The following XKR4 variants were observed in gnomAD, a reference collection of about 807,000 sequenced individuals.
XKR4 encodes XK related 4, also known as XK-related protein 4.
A neutral mutation model predicts 53.9 loss-of-function variants in XKR4; 12 were observed. The observed-to-expected ratio is 0.22, with a 90% CI of 0.14 to 0.36. The LOEUF (loss-of-function observed/expected upper bound fraction) is 0.36. Ranked by LOEUF, XKR4 falls within the 10% of genes least tolerant of loss-of-function variation. The pLI is 1.00. For missense variants in XKR4, 799 were observed against 859.5 expected (o/e 0.93, Z 0.88); for synonymous variants, 354 against 362.4 (o/e 0.98, Z 0.26).
Position 55,197,551 on chromosome 8 carries a change from T to C in XKR4, c.806+94257T>C, listed in dbSNP as rs983804930. ...AAGCGCTGGGTTCAGCTAAATTTTT[T>C]TTTTTTTTTTGAGACAGAGTCTCGC... On this transcript the variant is annotated intron_variant, in intron 1 of 2. Coordinates refer to ENST00000327381, the MANE Select transcript of XKR4 (RefSeq NM_052898.2). Among the ~76,000 whole-genome samples, 8 of 151,928 alleles carry C rather than the reference T, an allele frequency of 5.3e-5. No individual in the cohort carries two copies. The East Asian group carries it at 5.8e-4, about 11-fold the overall frequency.
intron 2 of XKR4, among the ~76,000 whole-genome samples, chr8:55,433,999 A>G (rs961669290): frequency 1.3e-5 from 2 of 152,226 alleles, no homozygotes; most frequent in Non-Finnish European, 2.9e-5. Context: ...ACACCACTGC[A>G]CTCCAGCCTG....
intron 1 of XKR4, among the ~76,000 whole-genome samples, chr8:55,121,957 C>T (rs2129352062): frequency 6.6e-6 from 1 of 152,090 alleles, no homozygotes; most frequent in African/African-American, 2.4e-5. Flanking sequence ...TTGGGCTCTG[C>T]CTCTAATGGA....
At chr8:55,339,586 G>A (rs1424502847) in intron 1 of XKR4, among the ~76,000 whole-genome samples, 1 of 152,040 alleles carries the variant, frequency 6.6e-6, no homozygotes, top group Admixed American at 6.6e-5. Context: ...TTTGAATCTG[G>A]GTGACATGGC....
intron 2 of XKR4, among the ~76,000 whole-genome samples, chr8:55,443,987 A>G (rs1371709531): frequency 6.6e-6 from 1 of 152,204 alleles, no homozygotes; most frequent in Non-Finnish European, 1.5e-5. Flanking sequence ...CTTGGCCAAC[A>G]TGGCAAAGCC....
intron 1 of XKR4, among the ~76,000 whole-genome samples, chr8:55,247,601 A>T (rs1404246032): frequency 1.3e-5 from 2 of 152,118 alleles, no homozygotes; most frequent in Non-Finnish European, 1.5e-5. Context: ...TATTCTCTTG[A>T]TACAAAAAAT....
chr8:55,380,744 G>A (rs1453078104), intron 2 of XKR4, among the ~76,000 whole-genome samples: 3 of 152,220 alleles, frequency 2.0e-5, no homozygotes, highest in Non-Finnish European at 4.4e-5. Flanking sequence ...GTGTTTCTAG[G>A]ACAGGAACCT....
intron 2 of XKR4, among the ~76,000 whole-genome samples, chr8:55,505,082 C>T (rs140587237): frequency 1.3e-4 from 19 of 151,850 alleles, no homozygotes; most frequent in South Asian, 1.0e-3. Flanking sequence ...TTCCTTTCTC[C>T]GGCAAGCTTT....
rs566959164 is a variant in XKR4, at chr8:55,467,162, G to C, written c.1007-56119G>C. On this transcript the variant is annotated intron_variant, in intron 2 of 2. Transcript: ENST00000327381. ...GTGGGTACAGAACTGTCAGCTCCTA[G>C]AGCTCAGTCACCATTCTCTGCCTTG... Among the ~76,000 whole-genome samples the C allele has an allele frequency of 3.3e-5, 5 of 152,232 alleles. No homozygotes were observed. In the East Asian group the frequency reaches 9.6e-4, roughly 29 times the overall value.
intron 2 of XKR4, among the ~76,000 whole-genome samples, chr8:55,467,743 C>A (rs1485542720): frequency 1.3e-5 from 2 of 152,134 alleles, no homozygotes; most frequent in Non-Finnish European, 2.9e-5. Flanking sequence ...GTATTGAATT[C>A]TTTGATTAAT....
At chr8:55,146,478 G>A (rs117133179) in intron 1 of XKR4, among the ~76,000 whole-genome samples, 8 of 152,334 alleles carry the variant, frequency 5.3e-5, no homozygotes, top group Non-Finnish European at 1.0e-4. Context: ...TTTCTGCAGT[G>A]ATAGAACTGA....
chr8:55,453,113 G>A (rs1295412214), intron 2 of XKR4: 2 of 540,916 alleles, frequency 3.7e-6, no homozygotes, highest in Admixed American at 4.1e-5. Flanking sequence ...ATATGAGTCT[G>A]CATGTCCCAG....
intron 1 of XKR4, among the ~76,000 whole-genome samples, chr8:55,347,882 T>A (rs1425386742): frequency 6.6e-6 from 1 of 152,240 alleles, no homozygotes; most frequent in East Asian, 1.9e-4. Flanking sequence ...GCCATCTGTA[T>A]AAATATCTAA....
chr8:55,288,460 C>A (rs112490648), intron 1 of XKR4, among the ~76,000 whole-genome samples: 1 of 152,130 alleles, frequency 6.6e-6, no homozygotes, highest in Admixed American at 6.5e-5. Flanking sequence ...CCTGAAAGTA[C>A]TTTCTGGAAT....
chr8:55,124,630 A>G (rs1816437070), intron 1 of XKR4, among the ~76,000 whole-genome samples: 1 of 152,240 alleles, frequency 6.6e-6, no homozygotes, highest in African/African-American at 2.4e-5. Context: ...CAGCATCTCA[A>G]TAATTTAGTG....
rs555885636 is a variant in XKR4, at chr8:55,192,957, A to G, written c.806+89663A>G. Among the ~76,000 whole-genome samples the G allele has an allele frequency of 1.6e-3, 236 of 152,238 alleles. 1 individual carries two copies. The highest frequency in any genetic ancestry group is 0.01 in the Middle Eastern group (3 of 294). ...GTGTGACCAGCAGGGCCACAGTGTC[A>G]TGGCTGTCCCCACCCCACCCCAAGG... On this transcript the variant is annotated intron_variant, in intron 1 of 2. Transcript: ENST00000327381.
intron 2 of XKR4, among the ~76,000 whole-genome samples, chr8:55,409,002 G>A (rs1324279873): frequency 1.2e-4 from 16 of 131,764 alleles, no homozygotes; most frequent in African/African-American, 4.0e-4. Context: ...GCAAGACTCC[G>A]TCTCAAAAAA....
chr8:55,313,515 G>A (rs1034783404), intron 1 of XKR4, among the ~76,000 whole-genome samples: 3 of 152,158 alleles, frequency 2.0e-5, no homozygotes, highest in African/African-American at 7.2e-5. Context: ...CATGGTCTTT[G>A]GCCAAAAGAG....
intron 1 of XKR4, among the ~76,000 whole-genome samples, chr8:55,259,155 T>A (rs565206880): frequency 3.3e-5 from 5 of 152,286 alleles, no homozygotes; most frequent in East Asian, 1.9e-4. Flanking sequence ...GCACTGCAGA[T>A]CATAGCACCG....
At chr8:55,199,692 T>G (rs1817554241) in intron 1 of XKR4, among the ~76,000 whole-genome samples, 1 of 152,190 alleles carries the variant, frequency 6.6e-6, no homozygotes, top group African/African-American at 2.4e-5. Flanking sequence ...TATGGATCAC[T>G]AACATTAGAG....
Sources: gnomAD v4.1 joint callset for allele counts (sites outside exome capture counted in the v4.1 genomes callset) on GRCh38, gnomAD v4.1.1 for gene constraint, MANE v1.5 for transcripts, NCBI Gene and HGNC (gene_info 2026-07-23, HGNC 2026-07-21) for gene names.